The following H3-7 variants were observed in gnomAD, a reference collection of about 807,000 sequenced individuals.
H3-7 encodes H3.7 histone (putative).
chr1:143,904,612 G>A, the H3-7 span: 4 of 1,581,222 alleles, frequency 2.5e-6, no homozygotes, highest in African/African-American at 2.7e-5. Flanking sequence ...ATTTTTGCGC[G>A]AAAAAAGAGA....
At chr1:143,904,667 G>C in the H3-7 span, 3 of 1,520,858 alleles carry the variant, frequency 2.0e-6, no homozygotes, top group Non-Finnish European at 2.7e-6. Flanking sequence ...AAACGGGCTG[G>C]TTATGCGCTA....
At chr1:143,905,945 C>T in the H3-7 span, 11 of 1,580,102 alleles carry the variant, frequency 7.0e-6, 3 homozygotes, top group East Asian at 9.1e-5. Context: ...GACTTGCGGG[C>T]AGTCTGCTTA....
At chr1:143,904,229 C>T in the H3-7 span, 3 of 1,572,460 alleles carry the variant, frequency 1.9e-6, no homozygotes, top group South Asian at 1.1e-5. Context: ...ACTCTTACTT[C>T]GAGCTGGTGT....
chr1:143,905,528 C>T, the H3-7 span: 1 of 1,504,100 alleles, frequency 6.6e-7, no homozygotes, highest in Non-Finnish European at 9.2e-7. Flanking sequence ...TGAAAAGAGC[C>T]TTTAGATCGA....
the H3-7 span, chr1:143,905,606 T>G: frequency 1.3e-6 from 2 of 1,582,412 alleles, no homozygotes; most frequent in Non-Finnish European, 1.7e-6. Flanking sequence ...TCCTTGGGCA[T>G]GATGGTCACG....
chr1:143,904,431 T>C, the H3-7 span: 2 of 1,583,190 alleles, frequency 1.3e-6, no homozygotes, highest in Non-Finnish European at 1.7e-6. Context: ...GCCCATGGTC[T>C]TGGACGAGAT....
chr1:143,905,682 C>T, the H3-7 span: 6 of 1,583,038 alleles, frequency 3.8e-6, 2 homozygotes, highest in Non-Finnish European at 5.2e-6. Flanking sequence ...CCTCTCTGGC[C>T]TCCTGCAGCG....
At chr1:143,904,545 G>A in the H3-7 span, 182 of 1,606,028 alleles carry the variant, frequency 1.1e-4, 1 homozygote, top group Non-Finnish European at 1.4e-4. Flanking sequence ...CTGCACTTTC[G>A]TAACAGCCTT....
the H3-7 span, chr1:143,904,523 GC>G: frequency 3.6e-5 from 57 of 1,605,578 alleles, no homozygotes; most frequent in Non-Finnish European, 4.8e-5. Context: ...TGCGCTTCTC[GC>G]CGTCCTTCTT....
chr1:143,905,624 C>T, the H3-7 span: 1 of 1,582,684 alleles, frequency 6.3e-7, no homozygotes, highest in Non-Finnish European at 8.7e-7. Flanking sequence ...ACGCGCTTGG[C>T]ATGGATGGCG....
chr1:143,904,659 A>G, the H3-7 span: 11 of 1,551,244 alleles, frequency 7.1e-6, no homozygotes, highest in Admixed American at 1.4e-4. Context: ...CTACCGCAAA[A>G]CGGGCTGGTT....
At chr1:143,905,452 C>A in the H3-7 span, 1 of 938,042 alleles carries the variant, frequency 1.1e-6, no homozygotes, top group Non-Finnish European at 1.6e-6. Context: ...CTGACCGCTG[C>A]GCAAGGCAGA....
the H3-7 span, among the ~76,000 whole-genome samples, chr1:143,904,804 G>T: frequency 6.8e-6 from 1 of 146,008 alleles, no homozygotes; most frequent in Non-Finnish European, 1.5e-5. Context: ...TTCCTTAATG[G>T]TCACTGTAAC....
the H3-7 span, among the ~76,000 whole-genome samples, chr1:143,903,176 A>G: frequency 7.2e-6 from 1 of 138,248 alleles, no homozygotes; most frequent in East Asian, 2.1e-4. Flanking sequence ...TGGGCGACAG[A>G]GCGAGACTCC....
the H3-7 span, chr1:143,905,922 C>T: frequency 1.3e-6 from 2 of 1,580,224 alleles, no homozygotes; most frequent in Non-Finnish European, 1.7e-6. Context: ...TCCTCGGGGC[C>T]TTGCCGCCGG....
the H3-7 span, chr1:143,905,528 C>G: frequency 6.6e-7 from 1 of 1,504,100 alleles, no homozygotes; most frequent in Non-Finnish European, 9.2e-7. Context: ...TGAAAAGAGC[C>G]TTTAGATCGA....
the H3-7 span, chr1:143,905,735 C>T: frequency 9.5e-6 from 15 of 1,579,522 alleles, 2 homozygotes; most frequent in Non-Finnish European, 1.2e-5. Flanking sequence ...GTCTTAAACT[C>T]CTGCGCGATC....
At chr1:143,905,803 T>C in the H3-7 span, 4 of 1,582,170 alleles carry the variant, frequency 2.5e-6, 1 homozygote, top group Non-Finnish European at 2.6e-6. Flanking sequence ...AGACTTCTGA[T>C]AGCGCCGGAT....
the H3-7 span, chr1:143,905,811 G>A: frequency 9.5e-6 from 15 of 1,582,254 alleles, 2 homozygotes; most frequent in Middle Eastern, 1.7e-4. Flanking sequence ...GATAGCGCCG[G>A]ATCTCCCGCA....
Sources: allele counts gnomAD v4.1 joint callset (sites outside exome capture counted in the v4.1 genomes callset), GRCh38; gene constraint gnomAD v4.1.1; transcripts MANE v1.5; gene names NCBI Gene and HGNC (gene_info 2026-07-23, HGNC 2026-07-21).